FBXW2: variants seen among roughly 807,000 people sequenced by gnomAD.
The protein encoded by FBXW2 is F-box and WD repeat domain containing 2.
FBXW2 carries 12 observed loss-of-function variants against 46.0 expected under a neutral mutation model. The observed-to-expected ratio is 0.26, with a 90% CI of 0.17 to 0.42. FBXW2 has a LOEUF of 0.42. Among genes scored for constraint, FBXW2 ranks in the 10% least tolerant of loss-of-function variants. The pLI is 1.00. For synonymous variants in FBXW2, 203 were observed against 209.6 expected, an observed-to-expected ratio of 0.97 and a Z score of 0.27; for missense variants, 360 against 537.0, an observed-to-expected ratio of 0.67 and a Z score of 3.26.
At chr9:120,791,001 A>T (rs1240669479) in intron 2 of FBXW2, among the ~76,000 whole-genome samples, 3 of 152,222 alleles carry the variant, frequency 2.0e-5, no homozygotes, top group African/African-American at 7.2e-5. Flanking sequence ...AATCCCTTGT[A>T]AGATTGAGCA....
chr9:120,764,742 T>G lies in FBXW2; in HGVS notation c.1182A>C (p.Thr394=). ...GAGGCCAGCGACTAATCAGGCTCTC[T>G]GTCCGCAAGTCCATGATGTACAGGT... is the stretch of plus-strand genomic sequence containing the variant. ...NRYLYIMDLR[T]ESLISRWPLP... is the part of the protein sequence containing the mutation. The change falls in exon 8 of 8, where the codon ACA becomes ACC. Residue 394 remains threonine (T), a synonymous_variant. Transcript: ENST00000608872. 1 of 1,614,242 alleles carries G rather than the reference T, an allele frequency of 6.2e-7. No individual in the cohort carries two copies. Among genetic ancestry groups the G allele is most frequent in the Non-Finnish European group, 8.5e-7 (1 of 1,180,034 alleles).
chr9:120,771,120 T>G (rs1427499687), intron 7 of FBXW2, among the ~76,000 whole-genome samples: 2 of 152,234 alleles, frequency 1.3e-5, no homozygotes, highest in African/African-American at 4.8e-5. Context: ...TGACTCACAG[T>G]CAGGCAGCGG....
At chr9:120,781,344 C>G (rs964671950) in intron 3 of FBXW2, among the ~76,000 whole-genome samples, 5 of 151,992 alleles carry the variant, frequency 3.3e-5, no homozygotes, top group Non-Finnish European at 7.4e-5. Context: ...TGGAATCATT[C>G]AAAAAACCGT....
rs1478222520 is a variant in FBXW2 at position 120,772,786 on chromosome 9, T to G, written c.874A>C (p.Ile292Leu). 6.3e-7 allele frequency: 1 copy of G among 1,577,948 alleles called. No individual in the cohort carries two copies. Residue 292 changes from isoleucine (I) to leucine (L), a missense_variant, in exon 6 of 8, where the codon ATC becomes CTC. By Grantham distance (5) the Ile-to-Leu change is conservative. Transcript: ENST00000608872. ...TCATATTTGTCTGCACTTAAGAGGA[T>G]GTAGTCTCCAGGACTGTGCAAGAGA... is the stretch of plus-strand genomic sequence containing the variant. ...KSLLHSPGDY[I>L]LLSADKYEIK...
rs781723078 is a variant in FBXW2, at chr9:120,787,880, T to G, written c.379A>C (p.Ile127Leu). ...TCCTCCAGTTGCTTCATTCTCAAAA[T>G]AGCCTTCAAATAAACCTTCTTCCAG... is the stretch of plus-strand genomic sequence containing the variant. ...LHWKKVYLKA[I>L]LRMKQLEDHE... The change falls in exon 3 of 8, where the codon ATT (isoleucine) becomes CTT (leucine). Residue 127 changes from isoleucine to leucine, a missense_variant. Ile to Leu is a conservative substitution (Grantham distance 5, BLOSUM62 2). Coordinates refer to ENST00000608872, the MANE Select transcript of FBXW2 (RefSeq NM_012164.4). The G allele has an allele frequency of 6.2e-7, 1 of 1,614,222 alleles. No homozygotes were observed. Among genetic ancestry groups the G allele is most frequent in the Non-Finnish European group, 8.5e-7 (1 of 1,180,040 alleles).
chr9:120,782,912 T>C (rs2044646887), intron 3 of FBXW2, among the ~76,000 whole-genome samples: 1 of 152,134 alleles, frequency 6.6e-6, no homozygotes, highest in Non-Finnish European at 1.5e-5. Flanking sequence ...TATAGTGTAT[T>C]ATATACTGTT....
rs1003282802 is a variant in FBXW2, at chr9:120,758,617, T to C, written c.*5942A>G. ...CATGAAAACATGGAAAAAATCCAGG[T>C]GTGTGGGGGCTGAAAATCAGGGCTT... On this transcript the variant is annotated 3_prime_UTR_variant, in exon 8 of 8. Coordinates refer to ENST00000608872, the MANE Select transcript of FBXW2 (RefSeq NM_012164.4). 6.6e-6 allele frequency: 1 copy of C among 152,178 alleles called. No individual in the cohort carries two copies. Among genetic ancestry groups the C allele is most frequent in the African/African-American group, 2.4e-5 (1 of 41,444 alleles). The allele number at this position is 152,178 out of a possible 1,614,324, so 9.4% of individuals were successfully genotyped here.
chr9:120,783,502 A>G (rs931248770), intron 3 of FBXW2, among the ~76,000 whole-genome samples: 1 of 152,238 alleles, frequency 6.6e-6, no homozygotes, highest in Non-Finnish European at 1.5e-5. Context: ...TCTAGATTTC[A>G]GGCTTCTCTT....
Position 120,761,395 on chromosome 9 carries a change from C to G in FBXW2, c.*3164G>C, listed in dbSNP as rs1450266273. On this transcript the variant is annotated 3_prime_UTR_variant, in exon 8 of 8. Coordinates refer to ENST00000608872, the MANE Select transcript of FBXW2 (RefSeq NM_012164.4). ...TAAGAAAGGATAGGGCTTATCTTCT[C>G]ATGACTTAGAATTTTTCAGAAATGA... 6 of 152,164 alleles carry G rather than the reference C, an allele frequency of 3.9e-5. No homozygotes were observed. Among genetic ancestry groups the G allele is most frequent in the Non-Finnish European group, 8.8e-5 (6 of 68,020 alleles). 9.4% of individuals were successfully genotyped at this position (152,164 alleles called of 1,614,324 possible). A position where few individuals can be genotyped will look rare whatever the true frequency, so the allele number is the denominator to read the frequency against.
At chr9:120,777,542 G>A (rs1227206775) in intron 4 of FBXW2, among the ~76,000 whole-genome samples, 1 of 152,188 alleles carries the variant, frequency 6.6e-6, no homozygotes, top group Non-Finnish European at 1.5e-5. Context: ...GAAATAGAGG[G>A]ACGCAACCTG....
At chr9:120,782,952 T>C (rs2044647608) in intron 3 of FBXW2, among the ~76,000 whole-genome samples, 1 of 152,184 alleles carries the variant, frequency 6.6e-6, no homozygotes, top group African/African-American at 2.4e-5. Context: ...AGTGTTTAAC[T>C]GATACCATTT....
In FBXW2 at chr9:120,763,017, G is replaced by A. The variant is rs1287026241; in HGVS notation, c.*1542C>T. ...ATTACCTAACTTTAGAGAGGGAGGA[G>A]GACACAATCTGGCAACCCAGGGACA... is the stretch of plus-strand genomic sequence containing the variant. On this transcript the variant is annotated 3_prime_UTR_variant, in exon 8 of 8. Transcript: ENST00000608872. The A allele has an allele frequency of 6.6e-6, 1 of 152,178 alleles. No individual in the cohort carries two copies. The highest frequency in any genetic ancestry group is 2.4e-5 in the African/African-American group (1 of 41,428). 9.4% of individuals were successfully genotyped at this position (152,178 alleles called of 1,614,324 possible).
chr9:120,768,578 G>A (rs1312294686), intron 7 of FBXW2, among the ~76,000 whole-genome samples: 1 of 152,196 alleles, frequency 6.6e-6, no homozygotes, highest in Non-Finnish European at 1.5e-5. Flanking sequence ...TATAATCCCA[G>A]CACTTTGGGA....
intron 3 of FBXW2, among the ~76,000 whole-genome samples, chr9:120,782,421 A>G (rs1269325963): frequency 6.6e-6 from 1 of 151,010 alleles, no homozygotes; most frequent in East Asian, 2.0e-4. Context: ...GCCAAAATTG[A>G]GCCACTGCAC....
At chr9:120,785,787 T>C (rs1016955290) in intron 3 of FBXW2, among the ~76,000 whole-genome samples, 1 of 151,812 alleles carries the variant, frequency 6.6e-6, no homozygotes, top group Non-Finnish European at 1.5e-5. Context: ...CCCAACACTT[T>C]GGAGGGTGGA....
Position 120,760,694 on chromosome 9 carries a change from A to C in FBXW2, c.*3865T>G, listed in dbSNP as rs1030098157. The C allele has an allele frequency of 6.6e-6, 1 of 152,210 alleles. No individual in the cohort carries two copies. Among genetic ancestry groups the C allele is most frequent in the African/African-American group, 2.4e-5 (1 of 41,436 alleles). 9.4% of individuals were successfully genotyped at this position (152,210 alleles called of 1,614,324 possible). A position where few individuals can be genotyped will look rare whatever the true frequency, so the allele number is the denominator to read the frequency against. ...ATGTTGGTAGGATTCACCTCTAGGC[A>C]ATCTGGAAGCCACACAGTAACAACT... On this transcript the variant is annotated 3_prime_UTR_variant, in exon 8 of 8. Transcript: ENST00000608872.
intron 4 of FBXW2, among the ~76,000 whole-genome samples, chr9:120,777,055 A>C (rs1423579616): frequency 6.6e-6 from 1 of 152,216 alleles, no homozygotes; most frequent in African/African-American, 2.4e-5. Context: ...AAGGAAAGAA[A>C]AAAGAATACT....
At chr9:120,771,813 C>A (rs1234830244) in intron 6 of FBXW2, among the ~76,000 whole-genome samples, 2 of 151,984 alleles carry the variant, frequency 1.3e-5, no homozygotes, top group African/African-American at 2.4e-5. Context: ...AATCCCAGCA[C>A]TTTGGGAGGC....
At chr9:120,786,420 T>G (rs555534213) in intron 3 of FBXW2, among the ~76,000 whole-genome samples, 196 of 152,336 alleles carry the variant, frequency 1.3e-3, no homozygotes, top group Non-Finnish European at 2.2e-3. Flanking sequence ...TCCGCCATGA[T>G]CATATTGCCT....
Sources: allele counts gnomAD v4.1 joint callset (sites outside exome capture counted in the v4.1 genomes callset), GRCh38; gene constraint gnomAD v4.1.1; transcripts MANE v1.5; gene names NCBI Gene and HGNC (gene_info 2026-07-23, HGNC 2026-07-21).